BACH2: variants seen among roughly 807,000 people sequenced by gnomAD.
The protein encoded by BACH2 is transcription regulator protein BACH2.
In BACH2, 5 loss-of-function variants were observed where a neutral mutation model predicts 61.8. The observed-to-expected ratio is 0.08, with a 90% confidence interval of 0.04 to 0.17. The LOEUF is 0.17. Among genes scored for constraint, BACH2 ranks in the 10% least tolerant of loss-of-function variants. BACH2 has a pLI of 1.00. For synonymous variants in BACH2, 446 were observed against 440.1 expected (o/e 1.01, Z -0.17); for missense variants, 824 against 1,091.1 (o/e 0.76, Z 3.45).
chr6:89,977,809 C>T (rs1430646777), intron 6 of BACH2, among the ~76,000 whole-genome samples: 1 of 152,156 alleles, frequency 6.6e-6, no homozygotes, highest in African/African-American at 2.4e-5. Context: ...AAAGTCACTG[C>T]AGTGTTCAGA....
intron 5 of BACH2, among the ~76,000 whole-genome samples, chr6:90,068,628 GGTT>G (rs566089196): frequency 9.2e-5 from 14 of 151,958 alleles, no homozygotes; most frequent in Non-Finnish European, 1.5e-4. Flanking sequence ...GGGAGAAACA[GGTT>G]GTTGTTGTTT....
At position 89,927,096 on chromosome 6, in the gene BACH2, A is replaced by G. The variant is rs946299458; in HGVS notation, c.*5312T>C. 7.9e-5 allele frequency: 12 copies of G among 152,830 alleles called. No homozygotes were observed. The highest frequency in any genetic ancestry group is 2.9e-4 in the African/African-American group (12 of 41,466). The allele number at this position is 152,830 out of a possible 1,614,324, so 9.5% of individuals were successfully genotyped here. On this transcript the variant is annotated 3_prime_UTR_variant, in exon 9 of 9. Coordinates refer to ENST00000257749, the MANE Select transcript of BACH2 (RefSeq NM_021813.4). ...AGGCATATATTAGAGGTGCACTTGC[A>G]TCAGACTGGTTCTGGAACAAATTGT...
At chr6:90,155,089 T>C (rs1199855425) in intron 4 of BACH2, among the ~76,000 whole-genome samples, 2 of 152,190 alleles carry the variant, frequency 1.3e-5, no homozygotes, top group African/African-American at 4.8e-5. Flanking sequence ...TATATGGATA[T>C]AATAAGCTCC....
intron 4 of BACH2, among the ~76,000 whole-genome samples, chr6:90,138,504 A>G (rs889305075): frequency 2.6e-5 from 4 of 152,204 alleles, no homozygotes; most frequent in Non-Finnish European, 4.4e-5. Context: ...TCTCAAAAAA[A>G]TAAATAAAAA....
At chr6:90,095,724 G>T (rs1782354603) in intron 4 of BACH2, among the ~76,000 whole-genome samples, 1 of 151,910 alleles carries the variant, frequency 6.6e-6, no homozygotes, top group South Asian at 2.1e-4. Context: ...ATAAAAATTG[G>T]AATACTAGCC....
chr6:90,186,890 C>G (rs1485011114), intron 4 of BACH2, among the ~76,000 whole-genome samples: 4 of 152,160 alleles, frequency 2.6e-5, no homozygotes, highest in Non-Finnish European at 4.4e-5. Flanking sequence ...GAATTTGAAC[C>G]CAGGTCTGAT....
chr6:90,219,852 C>T (rs969082700), intron 3 of BACH2, among the ~76,000 whole-genome samples: 3 of 152,028 alleles, frequency 2.0e-5, no homozygotes, highest in South Asian at 2.1e-4. Flanking sequence ...ATCTGCCTGA[C>T]GTCAGTCTCA....
At chr6:90,132,275 G>A (rs1250614367) in intron 4 of BACH2, among the ~76,000 whole-genome samples, 2 of 152,122 alleles carry the variant, frequency 1.3e-5, no homozygotes, top group East Asian at 3.9e-4. Context: ...TTTTTCCTAA[G>A]GCAGAACATT....
chr6:90,045,415 C>T (rs550675952), intron 5 of BACH2, among the ~76,000 whole-genome samples: 22 of 152,064 alleles, frequency 1.4e-4, no homozygotes, highest in Non-Finnish European at 2.5e-4. Flanking sequence ...AGGAAAGAAA[C>T]GACATCAACA....
rs199794611 is a variant in BACH2, at chr6:90,170,075, C to CT, written c.-162+36493dup. ...CAAGTGTCCAAGGAATTATAAAACA[C>CT]TTTTTTTTTCTAATTTAGAAACTTC... On this transcript the variant is annotated intron_variant, in intron 4 of 8. Transcript: ENST00000257749. 3.0e-3 allele frequency among the ~76,000 whole-genome samples: 456 copies of CT among 151,654 alleles called. 1 individual carries two copies. Among genetic ancestry groups the CT allele is most frequent in the African/African-American group, 9.8e-3 (405 of 41,344 alleles).
chr6:90,222,634 G>C (rs1238739757), intron 3 of BACH2, among the ~76,000 whole-genome samples: 2 of 152,150 alleles, frequency 1.3e-5, no homozygotes, highest in African/African-American at 2.4e-5. Context: ...CACTTATGTA[G>C]GATATAGTAA....
intron 1 of BACH2, among the ~76,000 whole-genome samples, chr6:90,276,049 A>G (rs1156951122): frequency 6.6e-6 from 1 of 152,104 alleles, no homozygotes; most frequent in Non-Finnish European, 1.5e-5. Flanking sequence ...GTTCAAATAC[A>G]CCCAGTATTT....
chr6:89,943,506 G>A (rs1034050753), intron 7 of BACH2, among the ~76,000 whole-genome samples: 21 of 151,636 alleles, frequency 1.4e-4, no homozygotes, highest in African/African-American at 4.8e-4. Context: ...CAAAAGAAGG[G>A]AAAAAAAATT....
rs1784776699 is a variant in BACH2, at chr6:90,150,466, C to T, written c.-162+56103G>A. Among the ~76,000 whole-genome samples the T allele has an allele frequency of 1.3e-5, 2 of 152,218 alleles. 1 individual carries two copies. Among genetic ancestry groups the T allele is most frequent in the South Asian group, 4.1e-4 (2 of 4,830 alleles). ...TCTTATTCACATCTACTATCTAACA[C>T]TTATCAATTACTACGGCCACTTCAT... On this transcript the variant is annotated intron_variant, in intron 4 of 8. Transcript: ENST00000257749.
intron 4 of BACH2, among the ~76,000 whole-genome samples, chr6:90,098,620 A>G (rs1353674093): frequency 6.6e-6 from 1 of 152,204 alleles, no homozygotes; most frequent in Non-Finnish European, 1.5e-5. Flanking sequence ...CATGATAGCA[A>G]GAGCTCAAGG....
rs143497079 is a variant in BACH2, at chr6:90,094,320, T to A, written c.-161-5211A>T. On this transcript the variant is annotated intron_variant, in intron 4 of 8. Transcript: ENST00000257749. ...CTTAGCTAGGATTTTCTTAGTGGCT[T>A]TAATGGGATTTGATGAGGAAAGCCC... is the stretch of plus-strand genomic sequence containing the variant. Among the ~76,000 whole-genome samples the A allele has an allele frequency of 3.9e-5, 6 of 152,328 alleles. No homozygotes were observed. The East Asian group carries it at 1.2e-3, about 29-fold the overall frequency.
chr6:90,016,358 G>A (rs958883046), intron 5 of BACH2, among the ~76,000 whole-genome samples: 1 of 152,018 alleles, frequency 6.6e-6, no homozygotes, highest in Non-Finnish European at 1.5e-5. Flanking sequence ...CTGACTCTCT[G>A]TGTTAACTAT....
At chr6:90,268,940 T>G (rs1264051490) in intron 2 of BACH2, among the ~76,000 whole-genome samples, 1 of 152,218 alleles carries the variant, frequency 6.6e-6, no homozygotes, top group Non-Finnish European at 1.5e-5. Flanking sequence ...ATTAAGTTCA[T>G]TCTTGTCAGG....
intron 4 of BACH2, among the ~76,000 whole-genome samples, chr6:90,098,695 A>G (rs1441802940): frequency 2.0e-5 from 3 of 152,214 alleles, no homozygotes; most frequent in African/African-American, 7.2e-5. Context: ...CTCTTGTAAA[A>G]GAACTCCAGT....
Sources: gnomAD v4.1 joint callset for allele counts (sites outside exome capture counted in the v4.1 genomes callset) on GRCh38, gnomAD v4.1.1 for gene constraint, MANE v1.5 for transcripts, NCBI Gene and HGNC (gene_info 2026-07-23, HGNC 2026-07-21) for gene names.